The following ULK2 variants were observed in gnomAD, a reference collection of about 807,000 sequenced individuals.
The protein encoded by ULK2 is unc-51 like autophagy activating kinase 2, also known as serine/threonine-protein kinase ULK2.
ULK2 carries 76 observed loss-of-function variants against 127.5 expected under a neutral mutation model. The observed-to-expected ratio is 0.60, with a 90% confidence interval of 0.50 to 0.72. The LOEUF (loss-of-function observed/expected upper bound fraction) is 0.72. ULK2 is among the 30% of genes least tolerant of loss of function. The probability of loss-of-function intolerance (pLI) is 0.00; values close to 1 mark genes in which losing one functional copy is unlikely to be tolerated. For synonymous variants in ULK2, 452 were observed against 461.9 expected (o/e 0.98, Z 0.28); for missense variants, 1,144 against 1,295.9 (o/e 0.88, Z 1.80).
At chr17:19,853,324 G>A (rs997240398) in intron 3 of ULK2, among the ~76,000 whole-genome samples, 1 of 151,462 alleles carries the variant, frequency 6.6e-6, no homozygotes, top group African/African-American at 2.4e-5. Flanking sequence ...TTTTTCTAGA[G>A]ACGGGGTTTT....
intron 7 of ULK2, among the ~76,000 whole-genome samples, chr17:19,844,088 A>G (rs879614391): frequency 5.3e-5 from 8 of 152,190 alleles, no homozygotes; most frequent in Admixed American, 4.6e-4. Flanking sequence ...ATACTTTTAT[A>G]GTAATAGAAA....
At chr17:19,813,205 A>G (rs1476113561) in intron 13 of ULK2, among the ~76,000 whole-genome samples, 1 of 152,282 alleles carries the variant, frequency 6.6e-6, no homozygotes, top group East Asian at 1.9e-4. Context: ...TGCCCCCGCC[A>G]TATCATTCAT....
chr17:19,839,888 T>C (rs958981409), intron 9 of ULK2, among the ~76,000 whole-genome samples: 3 of 151,996 alleles, frequency 2.0e-5, no homozygotes, highest in Admixed American at 6.6e-5. Flanking sequence ...GGAGAGTGTA[T>C]CTTTTGGTCT....
At chr17:19,808,327 T>C (rs2087557068) in intron 14 of ULK2, among the ~76,000 whole-genome samples, 1 of 152,062 alleles carries the variant, frequency 6.6e-6, no homozygotes, top group East Asian at 1.9e-4. Context: ...ATAAAACTCC[T>C]AGACAAAAAC....
intron 10 of ULK2, among the ~76,000 whole-genome samples, chr17:19,830,271 C>T (rs1466722820): frequency 3.9e-5 from 6 of 152,052 alleles, no homozygotes; most frequent in Non-Finnish European, 7.4e-5. Flanking sequence ...GTGCAATTAG[C>T]TCATTGCAGC....
intron 3 of ULK2, among the ~76,000 whole-genome samples, chr17:19,857,932 G>A: frequency 6.6e-6 from 1 of 151,674 alleles, no homozygotes; most frequent in Non-Finnish European, 1.5e-5. Context: ...CATCTCCTTG[G>A]GAAACTTACT....
At chr17:19,843,608 G>C (rs1450168793) in intron 7 of ULK2, among the ~76,000 whole-genome samples, 1 of 151,396 alleles carries the variant, frequency 6.6e-6, no homozygotes, top group East Asian at 1.9e-4. Flanking sequence ...AGGAGGAAAT[G>C]CAATCAGGGA....
chr17:19,857,121 T>C (rs1567728954), intron 3 of ULK2, among the ~76,000 whole-genome samples: 2 of 148,750 alleles, frequency 1.3e-5, no homozygotes, highest in Non-Finnish European at 3.0e-5. Flanking sequence ...GGCTGGCCAA[T>C]ACGGCAAAAC....
At position 19,842,266 on chromosome 17, in the gene ULK2, C is replaced by T. The variant is rs570591215; in HGVS notation, c.646-719G>A. ...AGGCTGGAGTGCAATGGTGTGATCT[C>T]GGCTCACCGCAACCTTCGCCTCCCA... On this transcript the variant is annotated intron_variant, in intron 8 of 26. Coordinates refer to ENST00000395544, the MANE Select transcript of ULK2 (RefSeq NM_014683.4). 6.0e-5 allele frequency among the ~76,000 whole-genome samples: 8 copies of T among 133,724 alleles called. No individual in the cohort carries two copies. In the South Asian group the frequency reaches 9.4e-4, roughly 16 times the overall value. 87.7% of individuals were successfully genotyped at this position (133,724 alleles called of 152,430 possible). A position where few individuals can be genotyped will look rare whatever the true frequency, so the allele number is the denominator to read the frequency against.
chr17:19,825,265 C>T (rs1375162318), intron 11 of ULK2, 83 bp from the exon 12 acceptor site: 9 of 1,194,306 alleles, frequency 7.5e-6, no homozygotes, highest in Non-Finnish European at 1.1e-5. Flanking sequence ...GCCAAAACTA[C>T]TACACCTTTG....
At chr17:19,809,866 A>G (rs1039646155) in intron 14 of ULK2, among the ~76,000 whole-genome samples, 5 of 151,570 alleles carry the variant, frequency 3.3e-5, no homozygotes, top group Non-Finnish European at 5.9e-5. Context: ...CATCCCACCA[A>G]TGCACTCCAG....
chr17:19,802,940 T>C (rs1265242131), intron 15 of ULK2, among the ~76,000 whole-genome samples: 2 of 152,160 alleles, frequency 1.3e-5, no homozygotes, highest in African/African-American at 4.8e-5. Flanking sequence ...TATCAAAAAG[T>C]CATATTCATA....
At chr17:19,829,548 A>AAAGGGGGGG (rs531835867) in intron 10 of ULK2, among the ~76,000 whole-genome samples, 3 of 25,514 alleles carry the variant, frequency 1.2e-4, no homozygotes. Context: ...GAAAAAAAAA[A>AAAGGGGGGG]GGGGGGGGGC....
intron 14 of ULK2, 55 bp downstream of exon 14, chr17:19,810,323 C>A: frequency 9.0e-7 from 1 of 1,109,372 alleles, no homozygotes; most frequent in South Asian, 1.4e-5. Flanking sequence ...TATAACCTTA[C>A]TCACAAAAAT....
intron 9 of ULK2, chr17:19,840,319 T>G (rs1373795334): frequency 5.7e-6 from 3 of 525,226 alleles, no homozygotes; most frequent in African/African-American, 2.0e-5. Flanking sequence ...GATCCTGCCT[T>G]GATTCGTTGG....
In ULK2 at chr17:19,773,094, T is replaced by C. The variant is rs2086758997; in HGVS notation, c.*3255A>G. The C allele has an allele frequency of 6.6e-6, 1 of 152,110 alleles. No homozygotes were observed. 9.4% of individuals were successfully genotyped at this position (152,110 alleles called of 1,614,324 possible). A position where few individuals can be genotyped will look rare whatever the true frequency, so the allele number is the denominator to read the frequency against. ...GTGTTCAAGACCAGCCTGACCAACA[T>C]GGTGAAACCCCATCTCCACTAAAAA... On this transcript the variant is annotated 3_prime_UTR_variant, in exon 27 of 27. Transcript: ENST00000395544.
intron 16 of ULK2, among the ~76,000 whole-genome samples, chr17:19,800,793 G>A (rs919692106): frequency 1.3e-5 from 2 of 152,044 alleles, no homozygotes; most frequent in African/African-American, 2.4e-5. Flanking sequence ...CAGGCCCTGC[G>A]TGCACCACCT....
chr17:19,797,286 G>A, intron 18 of ULK2, 110 bp downstream of exon 18: 1 of 1,240,374 alleles, frequency 8.1e-7, no homozygotes, highest in Non-Finnish European at 1.1e-6. Flanking sequence ...GACAAAGCAA[G>A]ACTCTGTCTC....
intron 22 of ULK2, among the ~76,000 whole-genome samples, chr17:19,782,824 G>A (rs1249862518): frequency 2.0e-5 from 3 of 152,190 alleles, no homozygotes; most frequent in Admixed American, 2.0e-4. Context: ...GCTGAGGCAG[G>A]AGAGTGGCTT....
Sources: allele counts gnomAD v4.1 joint callset (sites outside exome capture counted in the v4.1 genomes callset), GRCh38; gene constraint gnomAD v4.1.1; transcripts MANE v1.5; gene names NCBI Gene and HGNC (gene_info 2026-07-23, HGNC 2026-07-21).